CEP170: variants seen among roughly 807,000 people sequenced by gnomAD.
The protein encoded by CEP170 is centrosomal protein 170.
CEP170 carries 21 observed loss-of-function variants against 151.9 expected under a neutral mutation model. That is an observed-to-expected ratio of 0.14 (90% CI 0.10 to 0.20). The LOEUF (loss-of-function observed/expected upper bound fraction) is 0.20. Ranked by LOEUF, CEP170 falls within the 10% of genes least tolerant of loss-of-function variation. CEP170 has a pLI of 1.00. For synonymous variants in CEP170, 356 were observed against 648.8 expected (o/e 0.55, Z 6.86); for missense variants, 964 against 1,892.9 (o/e 0.51, Z 9.11).
intron 2 of CEP170, among the ~76,000 whole-genome samples, chr1:243,224,396 GGAA>G (rs1330487700): frequency 6.6e-5 from 10 of 151,710 alleles, no homozygotes; most frequent in South Asian, 4.2e-4. Flanking sequence ...GGGCCACACT[GGAA>G]GAAGAATTGT....
At chr1:243,135,392 G>C (rs1313153051) in intron 17 of CEP170, among the ~76,000 whole-genome samples, 2 of 152,008 alleles carry the variant, frequency 1.3e-5, no homozygotes, top group Admixed American at 6.6e-5. Flanking sequence ...AATTTTAATA[G>C]AGACAGGGTT....
chr1:243,172,113 TCA>T, intron 11 of CEP170, among the ~76,000 whole-genome samples: 1 of 152,174 alleles, frequency 6.6e-6, no homozygotes, highest in Non-Finnish European at 1.5e-5. Flanking sequence ...TTGTTTTATC[TCA>T]TAATGCCAAT....
chr1:243,254,216 A>C (rs1465600168), intron 1 of CEP170: 1 of 152,026 alleles, frequency 6.6e-6, no homozygotes, highest in Non-Finnish European at 1.5e-5. Context: ...ATAAATAAAT[A>C]AATAAAACTC....
intron 1 of CEP170, among the ~76,000 whole-genome samples, chr1:243,254,196 A>C (rs2066278039): frequency 6.6e-6 from 1 of 151,616 alleles, no homozygotes. Flanking sequence ...CAAAATAAAT[A>C]AATAAATAAA....
chr1:243,225,983 C>CTATCTA (rs1553395320), intron 1 of CEP170, among the ~76,000 whole-genome samples: 2 of 142,556 alleles, frequency 1.4e-5, no homozygotes, highest in Non-Finnish European at 3.0e-5. Context: ...ATCTATCTAT[C>CTATCTA]TATATATATA....
chr1:243,180,351 GGA>G (rs1466226352), intron 10 of CEP170, among the ~76,000 whole-genome samples: 3 of 152,186 alleles, frequency 2.0e-5, no homozygotes, highest in African/African-American at 7.2e-5. Context: ...TAACACAGCA[GGA>G]GAGGGTTTCT....
At chr1:243,169,477 A>G in intron 12 of CEP170, 151 bp downstream of exon 12, 1 of 1,462,424 alleles carries the variant, frequency 6.8e-7, no homozygotes, top group Non-Finnish European at 9.2e-7. Context: ...ATTTAGGTTT[A>G]ACTTACTTCT....
At chr1:243,140,369 T>G in intron 15 of CEP170, 2 of 336,926 alleles carry the variant, frequency 5.9e-6, no homozygotes, top group Non-Finnish European at 9.8e-6. Flanking sequence ...CTTCCATGGA[T>G]AAGATTTTCT....
intron 7 of CEP170, among the ~76,000 whole-genome samples, chr1:243,196,882 T>A (rs1252123811): frequency 1.3e-5 from 2 of 152,134 alleles, no homozygotes; most frequent in African/African-American, 4.8e-5. Context: ...ATTTAATGTA[T>A]GTGTGTATTT....
At chr1:243,246,005 T>C (rs560784465) in intron 1 of CEP170, among the ~76,000 whole-genome samples, 5 of 151,550 alleles carry the variant, frequency 3.3e-5, no homozygotes, top group Non-Finnish European at 7.4e-5. Context: ...TCAGCACTGA[T>C]GAAGGGGTGA....
intron 7 of CEP170, among the ~76,000 whole-genome samples, chr1:243,196,380 G>A (rs564757557): frequency 4.7e-4 from 72 of 152,144 alleles, no homozygotes; most frequent in African/African-American, 1.5e-3. Flanking sequence ...CAAAATCACC[G>A]TAACTGTACC....
intron 13 of CEP170, among the ~76,000 whole-genome samples, chr1:243,157,665 C>T (rs546330044): frequency 7.2e-5 from 11 of 152,140 alleles, no homozygotes; most frequent in Non-Finnish European, 1.2e-4. Context: ...CCAGAAATTC[C>T]TCCACTCTAA....
At chr1:243,213,052 C>T (rs7539093) in intron 3 of CEP170, among the ~76,000 whole-genome samples, 6,647 of 151,886 alleles carry the variant, frequency 0.044, 294 homozygotes, top group African/African-American at 0.12. Context: ...CTGATATATC[C>T]AAAATAGTAC....
chr1:243,128,035 T>C (rs1282173302), intron 19 of CEP170, among the ~76,000 whole-genome samples: 2 of 152,186 alleles, frequency 1.3e-5, no homozygotes, highest in Non-Finnish European at 2.9e-5. Flanking sequence ...TGAACTAAAA[T>C]ATGCCCAACA....
intron 1 of CEP170, among the ~76,000 whole-genome samples, chr1:243,230,250 C>A (rs1212799622): frequency 6.6e-6 from 1 of 151,916 alleles, no homozygotes; most frequent in Non-Finnish European, 1.5e-5. Context: ...TGCAGTGAGC[C>A]ATGATCATGC....
chr1:243,171,179 T>C (rs970416570), intron 11 of CEP170, among the ~76,000 whole-genome samples: 1 of 152,242 alleles, frequency 6.6e-6, no homozygotes, highest in African/African-American at 2.4e-5. Flanking sequence ...TGGCATCATA[T>C]TGCCTCAAAT....
intron 14 of CEP170, among the ~76,000 whole-genome samples, chr1:243,154,439 A>G (rs2148446155): frequency 6.6e-6 from 1 of 152,336 alleles, no homozygotes; most frequent in Middle Eastern, 3.4e-3. Flanking sequence ...AACATTAAAT[A>G]TCCACATTTC....
In CEP170 at chr1:243,253,374, A is replaced by C. The variant is rs2066123767; in HGVS notation, c.-42+1666T>G. 3 of 152,208 alleles carry C rather than the reference A, an allele frequency of 2.0e-5. 1 individual carries two copies. The South Asian group carries it at 6.2e-4, about 31-fold the overall frequency. The allele number at this position is 152,208 out of a possible 1,614,324, so 9.4% of individuals were successfully genotyped here. ...GTAAAAGGGCTAGGGGGACACAGGA[A>C]AGATCACTCTGCAGAATGGACCTTG... On this transcript the variant is annotated intron_variant, in intron 1 of 19. Transcript: ENST00000366542.
chr1:243,249,100 A>G (rs1226615708), intron 1 of CEP170, among the ~76,000 whole-genome samples: 1 of 152,186 alleles, frequency 6.6e-6, no homozygotes, highest in Non-Finnish European at 1.5e-5. Context: ...TAGAGGGGAC[A>G]CAAAATATGT....
Sources: gnomAD v4.1 joint callset for allele counts (sites outside exome capture counted in the v4.1 genomes callset) on GRCh38, gnomAD v4.1.1 for gene constraint, MANE v1.5 for transcripts, NCBI Gene and HGNC (gene_info 2026-07-23, HGNC 2026-07-21) for gene names.